The following PRRC1 variants were observed in gnomAD, a reference collection of about 807,000 sequenced individuals.
PRRC1 encodes protein PRRC1.
Under a neutral mutation model 40.7 loss-of-function variants are expected in PRRC1, and 39 were observed. That is an observed-to-expected ratio of 0.96 (90% CI 0.74 to 1.25). The LOEUF is 1.25. Among genes scored for constraint, PRRC1 ranks in the 50% most tolerant of loss-of-function variants. The pLI is 0.00. For missense variants in PRRC1, 573 were observed against 548.3 expected (o/e 1.05, Z -0.45); for synonymous variants, 175 against 193.3 (o/e 0.91, Z 0.79).
At chr5:127,544,607 G>A (rs1285445089) in intron 7 of PRRC1, among the ~76,000 whole-genome samples, 4 of 152,220 alleles carry the variant, frequency 2.6e-5, no homozygotes, top group Non-Finnish European at 4.4e-5. Context: ...CCGCAGCCTC[G>A]CTGCCGCCTT....
At position 127,552,161 on chromosome 5, in the gene PRRC1, C is replaced by G. The variant is rs1034328309; in HGVS notation, c.*245C>G. 7.8e-7 allele frequency: 1 copy of G among 1,279,416 alleles called. No individual in the cohort carries two copies. The highest frequency in any genetic ancestry group is 9.9e-7 in the Non-Finnish European group (1 of 1,009,558). The allele number at this position is 1,279,416 out of a possible 1,614,324, so 79.3% of individuals were successfully genotyped here. On this transcript the variant is annotated 3_prime_UTR_variant, in exon 9 of 9. Transcript: ENST00000296666. The stretch of plus-strand genomic sequence containing the variant: ...TACTCAAAAAAGAAAATATACAAAT[C>G]TATTTACAGCACAATTTAATATACC...
intron 7 of PRRC1, among the ~76,000 whole-genome samples, chr5:127,547,473 T>C (rs983152229): frequency 6.6e-6 from 1 of 152,118 alleles, no homozygotes. Flanking sequence ...AATTGAAAAA[T>C]ATTACTCATA....
Position 127,553,020 on chromosome 5 carries a change from A to G in PRRC1, c.*1104A>G, listed in dbSNP as rs923981658. ...TATATTATATCATTTTTGGACTTAT[A>G]TAAATGATAATTAAATAAATTTTTT... On this transcript the variant is annotated 3_prime_UTR_variant, in exon 9 of 9. Transcript: ENST00000296666. 6.8e-6 allele frequency: 5 copies of G among 738,172 alleles called. No individual in the cohort carries two copies. In the African/African-American group the frequency reaches 9.6e-5, roughly 14 times the overall value. 45.7% of individuals were successfully genotyped at this position (738,172 alleles called of 1,614,324 possible). A position where few individuals can be genotyped will look rare whatever the true frequency, so the allele number is the denominator to read the frequency against.
chr5:127,524,382 G>A (rs1767545050), intron 2 of PRRC1, 149 bp from the exon 3 acceptor site: 2 of 687,922 alleles, frequency 2.9e-6, no homozygotes, highest in African/African-American at 3.6e-5. Flanking sequence ...TATATTTGTT[G>A]TATATTTTAA....
At chr5:127,544,452 G>T (rs1040492513) in intron 7 of PRRC1, among the ~76,000 whole-genome samples, 1 of 152,236 alleles carries the variant, frequency 6.6e-6, no homozygotes, top group South Asian at 2.1e-4. Flanking sequence ...TTACTGCTTT[G>T]TTTTTGTTTG....
Position 127,526,658 on chromosome 5 carries a change from A to G in PRRC1, c.534A>G (p.Thr178=), listed in dbSNP as rs756940572. 60 of 1,613,086 alleles carry G rather than the reference A, an allele frequency of 3.7e-5. No individual in the cohort carries two copies. Among genetic ancestry groups the G allele is most frequent in the Non-Finnish European group, 4.7e-5 (56 of 1,179,548 alleles). ...PTPITQQASL[T]SLAQGTGTTS... is the part of the protein sequence containing the mutation. ...CTATTACTCAGCAAGCCAGTTTGAC[A>G]TCTCTGGCACAGGGAACTGGAACCA... The change falls in exon 4 of 9, where the codon ACA becomes ACG. Residue 178 remains threonine, a synonymous_variant. Coordinates refer to ENST00000296666, the MANE Select transcript of PRRC1 (RefSeq NM_130809.5).
In PRRC1 at chr5:127,554,178, T is replaced by A; in HGVS notation, c.*2262T>A. 1 of 251,842 alleles carries A rather than the reference T, an allele frequency of 4.0e-6. No homozygotes were observed. Among genetic ancestry groups the A allele is most frequent in the Non-Finnish European group, 7.5e-6 (1 of 132,592 alleles). The allele number at this position is 251,842 out of a possible 1,614,324, so 15.6% of individuals were successfully genotyped here. On this transcript the variant is annotated 3_prime_UTR_variant, in exon 9 of 9. Transcript: ENST00000296666. ...GGTGGTGTTTAGGCATAAGATATGC[T>A]GATCATCAGTCTCAGGCCACAGTTT... is the stretch of plus-strand genomic sequence containing the variant.
chr5:127,538,934 A>G (rs1257812372), intron 6 of PRRC1, 106 bp from the exon 7 acceptor site: 7 of 718,298 alleles, frequency 9.7e-6, no homozygotes, highest in Admixed American at 7.9e-5. Flanking sequence ...GTGAGTATAT[A>G]TATGTGTTTG....
At chr5:127,527,087 T>C (rs373969495) in intron 4 of PRRC1, among the ~76,000 whole-genome samples, 1 of 152,228 alleles carries the variant, frequency 6.6e-6, no homozygotes, top group East Asian at 1.9e-4. Context: ...TTTTGGTTTC[T>C]CTTATGGCTG....
intron 1 of PRRC1, among the ~76,000 whole-genome samples, chr5:127,520,314 T>C (rs1767426195): frequency 6.6e-6 from 1 of 152,246 alleles, no homozygotes; most frequent in South Asian, 2.1e-4. Context: ...GAACTACTTC[T>C]ATATCTTCCT....
rs13436719 is a variant in PRRC1 at position 127,539,051 on chromosome 5, A to G, written c.933A>G (p.Glu311=). The G allele has an allele frequency of 4.7e-3, 7,601 of 1,612,588 alleles. 309 individuals are homozygous for G. In the African/African-American group the frequency reaches 0.089, roughly 19 times the overall value. The change falls in exon 7 of 9, where the codon GAA becomes GAG. Residue 311 remains glutamate (E), a synonymous_variant. Transcript: ENST00000296666. ...GYAAGLKGAQ[E]RIDSLRRTGV... ...CCATTGTTGTTTAGGGTGCTCAGGA[A>G]CGGATAGATAGCTTGCGTCGAACTG... is the stretch of plus-strand genomic sequence containing the variant.
chr5:127,553,795 A>G lies in PRRC1; in HGVS notation c.*1879A>G. ...GAATCACAAATACTGACATTTCATT[A>G]GATGATTATTTTCCTAGAATCCCCA... On this transcript the variant is annotated 3_prime_UTR_variant, in exon 9 of 9. Transcript: ENST00000296666. The G allele has an allele frequency of 6.5e-7, 1 of 1,535,376 alleles. No homozygotes were observed.
intron 7 of PRRC1, among the ~76,000 whole-genome samples, chr5:127,543,149 T>C (rs149073604): frequency 0.02 from 3,034 of 152,230 alleles, 98 homozygotes; most frequent in African/African-American, 0.07. Flanking sequence ...TTTGGCTGGA[T>C]ATGAAATTCT....
Position 127,530,179 on chromosome 5 carries a change from A to G in PRRC1, c.655-115A>G, listed in dbSNP as rs1236122897. 4.2e-6 allele frequency: 3 copies of G among 716,936 alleles called. No homozygotes were observed. The African/African-American group carries it at 5.4e-5, about 13-fold the overall frequency. The allele number at this position is 716,936 out of a possible 1,614,324, so 44.4% of individuals were successfully genotyped here. A position where few individuals can be genotyped will look rare whatever the true frequency, so the allele number is the denominator to read the frequency against. The stretch of plus-strand genomic sequence containing the variant: ...TTGTCATGACCTTATATATCTTACA[A>G]AAGTACTGGTTTAGGATGCATTGGA... On this transcript the variant is annotated intron_variant, in intron 4 of 8. Transcript: ENST00000296666.
At chr5:127,526,847 T>C in intron 4 of PRRC1, 69 bp downstream of exon 4, 1 of 1,277,910 alleles carries the variant, frequency 7.8e-7, no homozygotes. Context: ...TTAGAGAAAA[T>C]ATTGAAAATA....
At chr5:127,541,559 A>G (rs1768046455) in intron 7 of PRRC1, among the ~76,000 whole-genome samples, 2 of 152,078 alleles carry the variant, frequency 1.3e-5, no homozygotes, top group South Asian at 4.2e-4. Context: ...AGATCCTGTT[A>G]TTGGTCTATT....
At chr5:127,518,755 A>G (rs1436595658) in intron 1 of PRRC1, among the ~76,000 whole-genome samples, 1 of 151,642 alleles carries the variant, frequency 6.6e-6, no homozygotes, top group Non-Finnish European at 1.5e-5. Flanking sequence ...TTTTAACAGA[A>G]AAACCAAGGC....
At chr5:127,520,286 T>C (rs1045386191) in intron 1 of PRRC1, among the ~76,000 whole-genome samples, 1 of 152,228 alleles carries the variant, frequency 6.6e-6, no homozygotes, top group East Asian at 1.9e-4. Context: ...TAGTCTAGGT[T>C]GTTACTTACT....
rs1235175040 is a variant in PRRC1 at position 127,553,613 on chromosome 5, G to A, written c.*1697G>A. On this transcript the variant is annotated 3_prime_UTR_variant, in exon 9 of 9. Coordinates refer to ENST00000296666, the MANE Select transcript of PRRC1 (RefSeq NM_130809.5). ...ATGACAACAACAGTCTTTCATTACA[G>A]ACTGAAGGGAAGCATGTCCTTACTT... 1.5e-6 allele frequency: 2 copies of A among 1,366,808 alleles called. No individual in the cohort carries two copies. The highest frequency in any genetic ancestry group is 1.9e-6 in the Non-Finnish European group (2 of 1,059,540). 84.7% of individuals were successfully genotyped at this position (1,366,808 alleles called of 1,614,324 possible).
Sources: gnomAD v4.1 joint callset for allele counts (sites outside exome capture counted in the v4.1 genomes callset) on GRCh38, gnomAD v4.1.1 for gene constraint, MANE v1.5 for transcripts, NCBI Gene and HGNC (gene_info 2026-07-23, HGNC 2026-07-21) for gene names.